NEB: variants seen among roughly 807,000 people sequenced by gnomAD.
NEB encodes nebulin.
A neutral mutation model predicts 952.2 loss-of-function variants in NEB; 512 were observed. That is an observed-to-expected ratio of 0.54 (90% CI 0.50 to 0.58). The LOEUF (loss-of-function observed/expected upper bound fraction) is 0.58. NEB is among the 20% of genes least tolerant of loss of function. NEB has a pLI of 0.00. For missense variants in NEB, 8,428 were observed against 9,231.1 expected (o/e 0.91, Z 3.56); for synonymous variants, 2,900 against 3,149.8 (o/e 0.92, Z 2.66).
intron 23 of NEB, 38 bp downstream of exon 23, chr2:151,691,826 C>T: frequency 7.0e-7 from 1 of 1,423,896 alleles, no homozygotes; most frequent in South Asian, 1.2e-5. Flanking sequence ...CACAGGAATC[C>T]CAAGCTCAAT....
At chr2:151,636,656 C>T (rs1387207318) in intron 63 of NEB, among the ~76,000 whole-genome samples, 1 of 152,134 alleles carries the variant, frequency 6.6e-6, no homozygotes, top group African/African-American at 2.4e-5. Flanking sequence ...TGGTGCATGC[C>T]TGCAATCCCA....
In NEB at chr2:151,692,341, C is replaced by T; in HGVS notation, c.1918G>A (p.Glu640Lys). 6.2e-7 allele frequency: 1 copy of T among 1,610,246 alleles called. No homozygotes were observed. Residue 640 changes from glutamate (E) to lysine (K), a missense_variant, in exon 21 of 182, where the codon GAG becomes AAG. By Grantham distance (56) the Glu-to-Lys change is moderately conservative. This residue lies in a region of NEB where 2,851 missense variants were observed against 2,791.5 expected (regional missense o/e 1.02). Coordinates refer to ENST00000397345, the MANE Select transcript of NEB (RefSeq NM_001164508.2). ...TTCATACTCTTTGCCTTTGTCTTCT[C>T]ATAGTTTTCCTTGTATAATCTCTGT... The part of the protein sequence containing the change: ...QSDRLYKENY[E>K]KTKAKSMNYC...
intron 64 of NEB, 65 bp downstream of exon 64, chr2:151,636,162 G>T: frequency 3.0e-6 from 4 of 1,352,076 alleles, no homozygotes; most frequent in South Asian, 1.3e-5. Context: ...TCTTTTCTAA[G>T]ATTTAGTTCA....
chr2:151,567,992 T>C, intron 113 of NEB, 79 bp downstream of exon 113: 1 of 1,088,794 alleles, frequency 9.2e-7, no homozygotes, highest in Non-Finnish European at 1.4e-6. Context: ...GAAGGTGCTA[T>C]CTCTGCCTTT....
chr2:151,538,452 A>T (rs1242320432), intron 138 of NEB, among the ~76,000 whole-genome samples: 1 of 152,232 alleles, frequency 6.6e-6, no homozygotes, highest in Non-Finnish European at 1.5e-5. Flanking sequence ...TTAACCGATC[A>T]TAATGTATCA....
chr2:151,488,677 C>T (rs914061018), intron 181 of NEB, among the ~76,000 whole-genome samples: 2 of 151,888 alleles, frequency 1.3e-5, no homozygotes, highest in African/African-American at 4.8e-5. Context: ...CTGTATTATT[C>T]TTTGTACTTC....
chr2:151,632,521 C>CA (rs1348334337), intron 65 of NEB, among the ~76,000 whole-genome samples: 3 of 151,696 alleles, frequency 2.0e-5, no homozygotes, highest in East Asian at 1.9e-4. Context: ...ACTAAAAATA[C>CA]AAAAAATTAG....
chr2:151,733,540 G>T lies in NEB; in HGVS notation c.-30+172C>A, dbSNP rs966650375. Among the ~76,000 whole-genome samples, 3 of 152,208 alleles carry T rather than the reference G, an allele frequency of 2.0e-5. No homozygotes were observed. In the South Asian group the frequency reaches 6.2e-4, roughly 32 times the overall value. On this transcript the variant is annotated intron_variant, in intron 2 of 181. Transcript: ENST00000397345. ...TTTCCAGCAAAAATTTTAGTGAAAGGTCAGCTTGGGTTTCAGAAGAAGCTG... is the reference window on the plus strand; with the variant it reads ...TTTCCAGCAAAAATTTTAGTGAAAGTTCAGCTTGGGTTTCAGAAGAAGCTG...
In NEB at chr2:151,561,128, G is replaced by C; in HGVS notation, c.19102-20C>G. ...TTTTACCTGTAGACAAGCAACAATA[G>C]GTTATTCACCTCTGTTGTTAGAAAA... is the stretch of plus-strand genomic sequence containing the variant. On this transcript the variant is annotated intron_variant, in intron 122 of 181. Transcript: ENST00000397345. 1.3e-6 allele frequency: 2 copies of C among 1,564,914 alleles called. No homozygotes were observed. The highest frequency in any genetic ancestry group is 1.8e-6 in the Non-Finnish European group (2 of 1,140,528).
At chr2:151,506,327 C>G in intron 163 of NEB, 69 bp from the exon 164 acceptor site, 1 of 1,174,636 alleles carries the variant, frequency 8.5e-7, no homozygotes, top group South Asian at 1.4e-5. Flanking sequence ...TGGAGAAAGA[C>G]TAGGACACAT....
In NEB at chr2:151,570,539, G is replaced by T; in HGVS notation, c.17076C>A (p.Ile5692=). 6.2e-7 allele frequency: 1 copy of T among 1,611,518 alleles called. No individual in the cohort carries two copies. Among genetic ancestry groups the T allele is most frequent in the African/African-American group, 1.3e-5 (1 of 74,954 alleles). The change falls in exon 108 of 182, where the codon ATC becomes ATA. Residue 5692 remains isoleucine (I), a synonymous_variant. Coordinates refer to ENST00000397345, the MANE Select transcript of NEB (RefSeq NM_001164508.2). The stretch of plus-strand genomic sequence containing the variant: ...TGGAGGCCTTGGCAGCCTGGATGGG[G>T]ATGGCATCCAGCCGGACATCACAGC... ...KAGCDVRLDA[I]PIQAAKASRE... is the part of the protein sequence containing the mutation.
rs2098929293 is a variant in NEB, at chr2:151,644,508, G to T, written c.7604C>A (p.Pro2535Gln). 7 of 1,613,904 alleles carry T rather than the reference G, an allele frequency of 4.3e-6. No individual in the cohort carries two copies. The highest frequency in any genetic ancestry group is 1.7e-4 in the Middle Eastern group (1 of 6,060). The change falls in exon 56 of 182, where the codon CCA (proline) becomes CAA (glutamine). Residue 2535 changes from proline (P) to glutamine (Q), a missense_variant. Physicochemically the swap from Pro to Gln is moderately conservative, Grantham distance 76 (BLOSUM62 -1). Transcript: ENST00000397345. ...KGYDLPVDAI[P>Q]IKAAKASREI... ...CCGGGAGGCTTTTGCTGCTTTGATT[G>T]GTATGGCATCAACAGGAAGATCGTA...
rs374341745 is a variant in NEB, at chr2:151,678,860, G to A, written c.3256-673C>T. 6.6e-5 allele frequency among the ~76,000 whole-genome samples: 10 copies of A among 152,204 alleles called. No individual in the cohort carries two copies. In the South Asian group the frequency reaches 2.1e-3, roughly 32 times the overall value. On this transcript the variant is annotated intron_variant, in intron 32 of 181. Transcript: ENST00000397345. Reference sequence around the variant, plus strand: ...GAAAGGGGGTGGGTGAGAACTTCGGGTGGGACAGGGGCATTTCAGAACGAG... The same window carrying A: ...GAAAGGGGGTGGGTGAGAACTTCGGATGGGACAGGGGCATTTCAGAACGAG...
intron 166 of NEB, 54 bp downstream of exon 166, chr2:151,503,295 T>C: frequency 1.6e-6 from 2 of 1,289,610 alleles, no homozygotes; most frequent in Non-Finnish European, 2.2e-6. Context: ...AGATGGGTTA[T>C]TGTGGTAAAT....
At position 151,577,341 on chromosome 2, in the gene NEB, G is replaced by A. The variant is rs138944369; in HGVS notation, c.16705-987C>T. Among the ~76,000 whole-genome samples the A allele has an allele frequency of 1.4e-4, 21 of 152,180 alleles. No individual in the cohort carries two copies. The East Asian group carries it at 3.7e-3, about 27-fold the overall frequency. ...GATCACACAGCCTGTCTTTCAATTCGTAGTCTCATCAGCCCTCTTTGCACA... is the reference window on the plus strand; with the variant it reads ...GATCACACAGCCTGTCTTTCAATTCATAGTCTCATCAGCCCTCTTTGCACA... On this transcript the variant is annotated intron_variant, in intron 105 of 181. Coordinates refer to ENST00000397345, the MANE Select transcript of NEB (RefSeq NM_001164508.2).
chr2:151,697,304 G>A (rs775108981), intron 15 of NEB, 46 bp downstream of exon 15: 16 of 1,608,362 alleles, frequency 9.9e-6, no homozygotes, highest in Non-Finnish European at 1.4e-5. Context: ...TTCATGCCCT[G>A]AGAAAAATGT....
intron 13 of NEB, among the ~76,000 whole-genome samples, chr2:151,698,865 C>CT (rs1245395824): frequency 6.9e-6 from 1 of 144,706 alleles, no homozygotes; most frequent in African/African-American, 2.5e-5. Context: ...GTCTCCATCT[C>CT]TTTTTTTTTT....
rs1339405220 is a variant in NEB at position 151,666,073 on chromosome 2, TG to T, written c.5031+16del. The T allele has an allele frequency of 6.3e-7, 1 of 1,592,844 alleles. No homozygotes were observed. The highest frequency in any genetic ancestry group is 2.2e-5 in the East Asian group (1 of 44,518). On this transcript the variant is annotated intron_variant, in intron 41 of 181. Coordinates refer to ENST00000397345, the MANE Select transcript of NEB (RefSeq NM_001164508.2). ...CACCCATTAGAAATGGATAACAACT[TG>T]GTAACCAGTACATACATCACTCTGA... is the stretch of plus-strand genomic sequence containing the variant.
chr2:151,630,781 T>C lies in NEB; in HGVS notation c.9657A>G (p.Gln3219=). 2 of 1,611,784 alleles carry C rather than the reference T, an allele frequency of 1.2e-6. No homozygotes were observed. The highest frequency in any genetic ancestry group is 1.7e-6 in the Non-Finnish European group (2 of 1,178,818). Residue 3219 remains glutamine (Q), a synonymous_variant, in exon 67 of 182, where the codon CAA becomes CAG. Transcript: ENST00000397345. The stretch of plus-strand genomic sequence containing the variant: ...CTGGTGTATCAGGCATTATGTGAAT[T>C]TGAGTCTTGTCTTTGTCCCAGGCCT... ...YTEAWDKDKT[Q]IHIMPDTPEI... is the part of the protein sequence containing the mutation.
Sources: allele counts gnomAD v4.1 joint callset (sites outside exome capture counted in the v4.1 genomes callset), GRCh38; gene constraint gnomAD v4.1.1; regional missense constraint gnomAD v4.1.1; transcripts MANE v1.5; gene names NCBI Gene and HGNC (gene_info 2026-07-23, HGNC 2026-07-21).